Variants in HSPG2 observed in about 807,000 individuals in gnomAD.
The protein encoded by HSPG2 is basement membrane-specific heparan sulfate proteoglycan core protein.
HSPG2 carries 278 observed loss-of-function variants against 526.6 expected under a neutral mutation model. That is an observed-to-expected ratio of 0.53 (90% CI 0.48 to 0.58). The LOEUF (loss-of-function observed/expected upper bound fraction) is 0.58. Among genes scored for constraint, HSPG2 ranks in the 20% least tolerant of loss-of-function variants. HSPG2 has a pLI of 0.00. For missense variants in HSPG2, 5,354 were observed against 6,099.5 expected (o/e 0.88, Z 4.07); for synonymous variants, 2,465 against 2,555.4 (o/e 0.96, Z 1.07).
chr1:21,889,787 G>A (rs1642215975), intron 6 of HSPG2, 194 bp downstream of exon 6: 3 of 634,816 alleles, frequency 4.7e-6, no homozygotes, highest in Admixed American at 2.7e-5. Context: ...CGGGTCTAAC[G>A]GGTATGTGCT....
In HSPG2 at chr1:21,857,363, T is replaced by G. The variant is rs1483597705; in HGVS notation, c.5316A>C (p.Thr1772=). 1.2e-5 allele frequency: 20 copies of G among 1,613,948 alleles called. No individual in the cohort carries two copies. The highest frequency in any genetic ancestry group is 1.6e-5 in the Non-Finnish European group (19 of 1,180,008). The change falls in exon 43 of 97, where the codon ACA becomes ACC. Residue 1772 remains threonine, a synonymous_variant. Transcript: ENST00000374695. ...LVTEAPSKPI[T]VTVEEQRSQS... ...GGCTCCGCTGCTCCTCCACAGTCAC[T>G]GTGATGGGCTTGCTTGGAGCCTCTG...
intron 70 of HSPG2, 24 bp downstream of exon 70, chr1:21,841,515 C>T (rs1428717781): frequency 6.2e-7 from 1 of 1,613,966 alleles, no homozygotes; most frequent in Non-Finnish European, 8.5e-7. Context: ...AGGGCAGAGC[C>T]CCACAGGGTC....
chr1:21,832,661 T>C, intron 80 of HSPG2, 55 bp from the exon 81 acceptor site: 2 of 1,380,698 alleles, frequency 1.4e-6, no homozygotes, highest in African/African-American at 1.4e-5. Context: ...CTCCCTGTCC[T>C]CCCCCACCCT....
rs770608160 is a variant in HSPG2 at position 21,824,096 on chromosome 1, C to T, written c.12899+25G>A. On this transcript the variant is annotated intron_variant, in intron 95 of 96. Coordinates refer to ENST00000374695, the MANE Select transcript of HSPG2 (RefSeq NM_005529.7). This position sits in a 1 kb window ranked among gnomAD's most constrained non-coding sequence, Gnocchi z 5.9. ...CCACTCCAGAACGCTGGGCCCCATC[C>T]CGAGTGCCCGGCAGGGTCCCTTACC... 1.2e-6 allele frequency: 2 copies of T among 1,604,032 alleles called. No homozygotes were observed. The highest frequency in any genetic ancestry group is 1.9e-4 in the Middle Eastern group (1 of 5,138).
At position 21,896,334 on chromosome 1, in the gene HSPG2, G is replaced by A. The variant is rs772267678; in HGVS notation, c.64-24C>T. ...ACCTGTAAGCAAACGAGAGCTGATT[G>A]AGTCACTCTCTCCAGCTCCCACTGA... On this transcript the variant is annotated intron_variant, in intron 1 of 96. Transcript: ENST00000374695. 4.3e-6 allele frequency: 7 copies of A among 1,609,980 alleles called. No individual in the cohort carries two copies. In the Admixed American group the frequency reaches 1.0e-4, roughly 23 times the overall value.
Position 21,834,820 on chromosome 1 carries a change from C to T in HSPG2, c.10579G>A (p.Gly3527Arg). ...KPQVTWSKVG[G>R]HLRPGIVQSG... is the part of the protein sequence containing the mutation. ...TGCACAATGCCTGGCCGCAGGTGCC[C>T]TCCAACTTTGCTCCATGTCACCTGA... The change falls in exon 77 of 97, where the codon GGG becomes AGG. Residue 3527 changes from glycine to arginine, a missense_variant. Coordinates refer to ENST00000374695, the MANE Select transcript of HSPG2 (RefSeq NM_005529.7). 3.1e-6 allele frequency: 5 copies of T among 1,614,228 alleles called. No homozygotes were observed. Among genetic ancestry groups the T allele is most frequent in the Non-Finnish European group, 4.2e-6 (5 of 1,180,048 alleles).
intron 80 of HSPG2, 89 bp downstream of exon 80, chr1:21,833,179 G>A (rs1432562091): frequency 2.8e-6 from 3 of 1,084,378 alleles, no homozygotes; most frequent in South Asian, 1.3e-5. Flanking sequence ...GGACTGAGGG[G>A]CAGCCAGGGC....
intron 87 of HSPG2, 52 bp downstream of exon 87, chr1:21,829,331 G>T: frequency 6.4e-7 from 1 of 1,569,940 alleles, no homozygotes; most frequent in South Asian, 1.1e-5. Flanking sequence ...AAGAGCCGAG[G>T]GGGGCACAAG....
intron 1 of HSPG2, chr1:21,908,498 C>A: frequency 1.1e-6 from 1 of 919,628 alleles, no homozygotes; most frequent in South Asian, 1.3e-5. Flanking sequence ...CAGCCTGCTC[C>A]ACCCAGCAAA....
Position 21,855,448 on chromosome 1 carries a change from T to G in HSPG2, c.5855-2A>C. ...CTTGGACTCTGGGCCCACCGCCCCC[T>G]GCAGACAGAGTCCTGTGAGAACACG... is the stretch of plus-strand genomic sequence containing the variant. On this transcript the variant is annotated splice_acceptor_variant, in intron 46 of 96. Transcript: ENST00000374695. LOFTEE classifies it high-confidence loss of function. 1 of 1,613,096 alleles carries G rather than the reference T, an allele frequency of 6.2e-7. No individual in the cohort carries two copies. Among genetic ancestry groups the G allele is most frequent in the Non-Finnish European group, 8.5e-7 (1 of 1,179,866 alleles).
In HSPG2 at chr1:21,823,679, G is replaced by C. The variant is rs781160758; in HGVS notation, c.12940C>G (p.Leu4314Val). The C allele has an allele frequency of 6.2e-7, 1 of 1,613,678 alleles. No homozygotes were observed. The highest frequency in any genetic ancestry group is 1.1e-5 in the South Asian group (1 of 91,088). The change falls in exon 96 of 97, where the codon CTG becomes GTG. Residue 4314 changes from leucine to valine, a missense_variant. Leu to Val is a conservative substitution (Grantham distance 32). Coordinates refer to ENST00000374695, the MANE Select transcript of HSPG2 (RefSeq NM_005529.7). Reference sequence around the variant, plus strand: ...GGACCTGGGGACCGGCCGCTGACCAGCTCCTCACCGTCGACTTGGATGGAA... The same window carrying C: ...GGACCTGGGGACCGGCCGCTGACCACCTCCTCACCGTCGACTTGGATGGAA... Reference protein sequence around the residue: ...RGSIQVDGEELVSGRSPGPNV... With the variant: ...RGSIQVDGEEVVSGRSPGPNV...
At chr1:21,830,736 C>T (rs1572152698) in intron 85 of HSPG2, 3 of 459,802 alleles carry the variant, frequency 6.5e-6, no homozygotes, top group African/African-American at 4.3e-5. Flanking sequence ...TGGGGGAGTG[C>T]CTGGGTGGCG....
At chr1:21,837,095 C>G in intron 74 of HSPG2, 89 bp from the exon 75 acceptor site, 1 of 1,217,856 alleles carries the variant, frequency 8.2e-7, no homozygotes, top group Non-Finnish European at 1.2e-6. Context: ...CCCAGCCCAA[C>G]ATTCAAGGAA....
chr1:21,824,256 G>A lies in HSPG2; in HGVS notation c.12815+50C>T, dbSNP rs771710501. On this transcript the variant is annotated intron_variant, in intron 94 of 96. Coordinates refer to ENST00000374695, the MANE Select transcript of HSPG2 (RefSeq NM_005529.7). This position sits in a 1 kb window ranked among gnomAD's most constrained non-coding sequence, Gnocchi z 5.9. ...TGAGCTGGGGCAGGACCGGGGGGTG[G>A]GGTGCTGGGACCAGGGAAGGGAGAG... 9 of 1,612,958 alleles carry A rather than the reference G, an allele frequency of 5.6e-6. No individual in the cohort carries two copies. The highest frequency in any genetic ancestry group is 2.2e-5 in the East Asian group (1 of 44,856).
intron 1 of HSPG2, among the ~76,000 whole-genome samples, chr1:21,913,865 C>A (rs1202877606): frequency 6.6e-6 from 1 of 152,242 alleles, no homozygotes. Context: ...GTGGGACTAA[C>A]CCAGCCGGAG....
intron 66 of HSPG2, 74 bp from the exon 67 acceptor site, chr1:21,842,995 A>G (rs1030153943): frequency 3.9e-6 from 6 of 1,551,954 alleles, no homozygotes; most frequent in Non-Finnish European, 4.4e-6. Context: ...GGTGGCAGTG[A>G]AGACCAGCTC....
At chr1:21,843,025 G>C in intron 66 of HSPG2, 104 bp from the exon 67 acceptor site, 5 of 1,353,916 alleles carry the variant, frequency 3.7e-6, no homozygotes, top group Non-Finnish European at 4.2e-6. Context: ...CTGGGGGCGC[G>C]GTGGCTTGAG....
In HSPG2 at chr1:21,861,835, C is replaced by T. The variant is rs41311989; in HGVS notation, c.4877G>A (p.Arg1626His). 1,514 of 1,613,528 alleles carry T rather than the reference C, an allele frequency of 9.4e-4. 7 individuals carry two copies. The highest frequency in any genetic ancestry group is 8.0e-3 in the African/African-American group (597 of 75,056). Residue 1626 changes from arginine (R) to histidine (H), a missense_variant, in exon 39 of 97, where the codon CGC becomes CAC. Transcript: ENST00000374695. ...PLTNPENMFS[R>H]TCESLGAGGY... is the part of the protein sequence containing the mutation. The stretch of plus-strand genomic sequence containing the variant: ...GCCGGCTCCCAGGCTCTCACAGGTG[C>T]GGGAAAACCTGGGATCGGGGAGGCA...
Position 21,823,390 on chromosome 1 carries a change from C to A in HSPG2, c.13102G>T (p.Ala4368Ser). The A allele has an allele frequency of 6.4e-7, 1 of 1,558,622 alleles. No homozygotes were observed. The highest frequency in any genetic ancestry group is 8.6e-7 in the Non-Finnish European group (1 of 1,156,714). ...AGGTCCAGGGGCTGTGGGGGCGGGG[C>A]GCCGGGTCGGGCCGAGTGCAGCACC... ...NLVLHSARPGAPPPQPLDLQH... is the reference protein window; with the variant it reads ...NLVLHSARPGSPPPQPLDLQH... Residue 4368 changes from alanine to serine, a missense_variant, in exon 97 of 97, where the codon GCC becomes TCC. Coordinates refer to ENST00000374695, the MANE Select transcript of HSPG2 (RefSeq NM_005529.7).
Sources: gnomAD v4.1 joint callset for allele counts (sites outside exome capture counted in the v4.1 genomes callset) on GRCh38, gnomAD v4.1.1 for gene constraint, Gnocchi (gnomAD v3.1) non-coding constraint, MANE v1.5 for transcripts, NCBI Gene and HGNC (gene_info 2026-07-23, HGNC 2026-07-21) for gene names.